ASMT: variants seen among roughly 807,000 people sequenced by gnomAD.
ASMT encodes the protein acetylserotonin N-methyltransferase.
A neutral mutation model predicts 41.3 loss-of-function variants in ASMT; 53 were observed. The ratio of observed to expected loss-of-function variants is 1.28; its 90% CI spans 1.03 to 1.61. The LOEUF (loss-of-function observed/expected upper bound fraction) is 1.61. ASMT is among the 40% of genes most tolerant of loss of function. The pLI is 0.00. For synonymous variants in ASMT, 231 were observed against 184.8 expected, an observed-to-expected ratio of 1.25 and a Z score of -2.03; for missense variants, 531 against 441.3, an observed-to-expected ratio of 1.20 and a Z score of -1.82.
At position 1,623,059 on chromosome X, in the gene ASMT, TGCCATG is replaced by T. The variant is rs1445522818; in HGVS notation, c.70-78_70-73del. ...TAAAACAATGCTTTCCTCCCTAGCC[TGCCATG>T]GTATGGGGTGTTTCTAAGACTGTGG... On this transcript the variant is annotated intron_variant, in intron 1 of 8. Transcript: ENST00000381241. 4.2e-6 allele frequency: 6 copies of T among 1,420,548 alleles called. No individual in the cohort carries two copies. In the Admixed American group the frequency reaches 1.0e-4, roughly 24 times the overall value. The allele number at this position is 1,420,548 out of a possible 1,614,324, so 88.0% of individuals were successfully genotyped here.
At chrX:1,616,913 T>G (rs1179288968) in intron 1 of ASMT, among the ~76,000 whole-genome samples, 145 of 151,832 alleles carry the variant, frequency 9.6e-4, no homozygotes, top group South Asian at 1.0e-3. Flanking sequence ...TTTCACCGTG[T>G]TAGCCAGGAT....
At chrX:1,618,036 C>T (rs1447880749) in intron 1 of ASMT, among the ~76,000 whole-genome samples, 2 of 151,536 alleles carry the variant, frequency 1.3e-5, no homozygotes, top group Admixed American at 6.6e-5. Flanking sequence ...ATACCTATTC[C>T]CCAGCCACTG....
At chrX:1,625,523 A>G (rs377497872) in intron 3 of ASMT, among the ~76,000 whole-genome samples, 3 of 70,974 alleles carry the variant, frequency 4.2e-5, no homozygotes, top group African/African-American at 1.6e-4. Context: ...AGAGAGAGAG[A>G]GGGGAGAAGG....
chrX:1,616,693 G>A (rs1357634458), intron 1 of ASMT, among the ~76,000 whole-genome samples: 1 of 151,138 alleles, frequency 6.6e-6, no homozygotes. Context: ...AACATAGTGA[G>A]ACCCCCCATT....
chrX:1,631,060 G>C (rs182935959), intron 5 of ASMT, among the ~76,000 whole-genome samples: 2 of 146,720 alleles, frequency 1.4e-5, no homozygotes, highest in Admixed American at 1.4e-4. Flanking sequence ...ACAGGCGCCC[G>C]CCACCACGCC....
chrX:1,633,441 T>A (rs1934850398), intron 7 of ASMT, 151 bp downstream of exon 7: 3 of 872,064 alleles, frequency 3.4e-6, no homozygotes, highest in Admixed American at 1.9e-5. Context: ...TCATGATGGA[T>A]GGAAAGCTGG....
At chrX:1,621,452 G>A (rs1345130959) in intron 1 of ASMT, among the ~76,000 whole-genome samples, 1 of 151,804 alleles carries the variant, frequency 6.6e-6, no homozygotes, top group African/African-American at 2.4e-5. Flanking sequence ...CCAGTAGCTG[G>A]GACTACAGGC....
chrX:1,641,334 T>G (rs6655383), intron 8 of ASMT, among the ~76,000 whole-genome samples: 4,761 of 29,026 alleles, frequency 0.16, 1,020 homozygotes, highest in African/African-American at 0.23. Context: ...GATGATCCAT[T>G]AGGATGTGGA....
intron 1 of ASMT, among the ~76,000 whole-genome samples, chrX:1,622,180 C>A (rs1237777640): frequency 1.3e-5 from 2 of 149,660 alleles, no homozygotes; most frequent in African/African-American, 4.9e-5. Context: ...TTAGTAGAGA[C>A]GGAGTTTCAC....
chrX:1,625,982 T>A (rs1472626980), intron 3 of ASMT, among the ~76,000 whole-genome samples: 2 of 144,646 alleles, frequency 1.4e-5, no homozygotes, highest in African/African-American at 5.2e-5. Flanking sequence ...AATAGGGGTG[T>A]CTGGGTTAAC....
chrX:1,621,355 T>C (rs757221773), intron 1 of ASMT, among the ~76,000 whole-genome samples: 73 of 152,050 alleles, frequency 4.8e-4, no homozygotes, highest in Admixed American at 1.7e-3. Context: ...TCTCGCTCTG[T>C]TGCCCAGGCT....
At chrX:1,627,977 G>C (rs58123647) in intron 4 of ASMT, 19 of 638,656 alleles carry the variant, frequency 3.0e-5, no homozygotes, top group Non-Finnish European at 5.1e-5. Flanking sequence ...GAGGTGCAAC[G>C]TGACCCTTCC....
chrX:1,637,009 ACAGTGTC>A (rs1935005573), intron 8 of ASMT, among the ~76,000 whole-genome samples: 7 of 50,736 alleles, frequency 1.4e-4, no homozygotes, highest in Non-Finnish European at 2.1e-4. Context: ...TGTGATGGGG[ACAGTGTC>A]CCAGCTCTCC....
intron 1 of ASMT, among the ~76,000 whole-genome samples, chrX:1,618,106 G>A (rs1175663997): frequency 6.6e-6 from 1 of 152,036 alleles, no homozygotes; most frequent in Non-Finnish European, 1.5e-5. Flanking sequence ...AGCCTCCTGA[G>A]TACCTGGGAT....
At chrX:1,621,359 C>T (rs1934331847) in intron 1 of ASMT, among the ~76,000 whole-genome samples, 2 of 151,832 alleles carry the variant, frequency 1.3e-5, no homozygotes. Flanking sequence ...GCTCTGTTGC[C>T]CAGGCTGGAG....
intron 7 of ASMT, among the ~76,000 whole-genome samples, chrX:1,633,642 A>AT (rs35471677): frequency 0.089 from 11,741 of 131,472 alleles, 1,448 homozygotes; most frequent in African/African-American, 0.27. Context: ...CATCCAGCTA[A>AT]TTTTTTTTTT....
chrX:1,628,202 TC>T (rs1175608221), intron 4 of ASMT, among the ~76,000 whole-genome samples: 10 of 152,134 alleles, frequency 6.6e-5, no homozygotes, highest in African/African-American at 2.4e-4. Flanking sequence ...ACGCCTGTAA[TC>T]CCAGCTAGTC....
At chrX:1,617,473 G>C (rs1389083848) in intron 1 of ASMT, among the ~76,000 whole-genome samples, 2 of 151,874 alleles carry the variant, frequency 1.3e-5, no homozygotes, top group African/African-American at 4.8e-5. Flanking sequence ...CTCTGTCTCA[G>C]AACAAAAACC....
At chrX:1,617,806 G>C (rs1263491719) in intron 1 of ASMT, among the ~76,000 whole-genome samples, 53 of 151,704 alleles carry the variant, frequency 3.5e-4, no homozygotes, top group Middle Eastern at 6.8e-3. Flanking sequence ...GTAGAGATGG[G>C]GTTTCTCTAT....
Sources: allele counts gnomAD v4.1 joint callset (sites outside exome capture counted in the v4.1 genomes callset), GRCh38; gene constraint gnomAD v4.1.1; transcripts MANE v1.5; gene names NCBI Gene and HGNC (gene_info 2026-07-23, HGNC 2026-07-21).